Variants in DHODH observed in about 807,000 individuals in gnomAD.
The protein encoded by DHODH is dihydroorotate dehydrogenase (quinone), mitochondrial.
In DHODH, 30 loss-of-function variants were observed where a neutral mutation model predicts 39.7. That is an observed-to-expected ratio of 0.76 (90% CI 0.57 to 1.02). The LOEUF is 1.02. DHODH is among the 50% of genes least tolerant of loss of function. The pLI is 0.00. For missense variants in DHODH, 531 were observed against 520.8 expected (o/e 1.02, Z -0.19); for synonymous variants, 222 against 213.8 (o/e 1.04, Z -0.34).
intron 4 of DHODH, 125 bp from the exon 5 acceptor site, chr16:72,020,999 C>A: frequency 2.1e-6 from 2 of 973,536 alleles, no homozygotes; most frequent in Non-Finnish European, 3.1e-6. Flanking sequence ...CAGCCGGTGT[C>A]GGGCAGGTCA....
chr16:72,015,089 C>T (rs1273401745), intron 3 of DHODH, among the ~76,000 whole-genome samples: 1 of 152,138 alleles, frequency 6.6e-6, no homozygotes, highest in African/African-American at 2.4e-5. Context: ...CACATTAACA[C>T]AGTAAACAGA....
At chr16:72,018,603 C>T (rs899337387) in intron 4 of DHODH, among the ~76,000 whole-genome samples, 8 of 152,230 alleles carry the variant, frequency 5.3e-5, no homozygotes, top group Non-Finnish European at 7.3e-5. Context: ...CCCTCCCTCC[C>T]TGTGGCCCTC....
chr16:72,012,644 C>T (rs542166182), intron 2 of DHODH, among the ~76,000 whole-genome samples: 2 of 152,334 alleles, frequency 1.3e-5, no homozygotes, highest in Non-Finnish European at 2.9e-5. Context: ...CGCCCCTTGG[C>T]CACTGTCCTG....
chr16:72,017,160 GA>G (rs1474956021), intron 4 of DHODH, 54 bp downstream of exon 4: 2 of 1,555,356 alleles, frequency 1.3e-6, no homozygotes, highest in African/African-American at 2.7e-5. Flanking sequence ...GGAAACGTGG[GA>G]GAAATGCTGG....
rs146321585 is a variant in DHODH, at chr16:72,022,581, G to A, written c.819+106G>A. 5.3e-4 allele frequency: 474 copies of A among 900,944 alleles called. 4 individuals carry two copies. Among genetic ancestry groups the A allele is most frequent in the South Asian group, 3.9e-3 (274 of 70,768 alleles). The allele number at this position is 900,944 out of a possible 1,614,324, so 55.8% of individuals were successfully genotyped here. A position where few individuals can be genotyped will look rare whatever the true frequency, so the allele number is the denominator to read the frequency against. ...GCGTTCTTTGTGATTTCCTCTCCTTGGTATTCAAGGCTGGTTTGGTGTGTG... is the reference window on the plus strand; with the variant it reads ...GCGTTCTTTGTGATTTCCTCTCCTTAGTATTCAAGGCTGGTTTGGTGTGTG... On this transcript the variant is annotated intron_variant, in intron 6 of 8. Transcript: ENST00000219240.
At chr16:72,010,003 C>T (rs2041066072) in intron 1 of DHODH, among the ~76,000 whole-genome samples, 1 of 152,256 alleles carries the variant, frequency 6.6e-6, no homozygotes, top group Admixed American at 6.5e-5. Context: ...CCGCCTCAGC[C>T]TCCCAAAGTG....
intron 6 of DHODH, among the ~76,000 whole-genome samples, chr16:72,022,849 G>A (rs1012129433): frequency 1.3e-5 from 2 of 152,148 alleles, no homozygotes; most frequent in South Asian, 2.1e-4. Flanking sequence ...CCCGGCCATC[G>A]TGGGTTCAAA....
rs879581979 is a variant in DHODH at position 72,024,666 on chromosome 16, A to T, written c.*467A>T. On this transcript the variant is annotated 3_prime_UTR_variant, in exon 9 of 9. Transcript: ENST00000219240. ...TATTTAATATTTTAAACTTTATTTT[A>T]AAAATATTTCAAACATAAGGGCGGG... The T allele has an allele frequency of 6.0e-6, 1 of 167,728 alleles. No homozygotes were observed. The highest frequency in any genetic ancestry group is 2.4e-5 in the African/African-American group (1 of 41,568). The allele number at this position is 167,728 out of a possible 1,614,324, so 10.4% of individuals were successfully genotyped here. A position where few individuals can be genotyped will look rare whatever the true frequency, so the allele number is the denominator to read the frequency against.
At chr16:72,020,372 T>TATATATGTATATATATATATATA (rs746414347) in intron 4 of DHODH, 21 of 70,864 alleles carry the variant, frequency 3.0e-4, no homozygotes, top group African/African-American at 1.3e-3. Flanking sequence ...TATATATATA[T>TATATATGTATATATATATATATA]TTTTTTTTTT....
At chr16:72,017,241 C>A in intron 4 of DHODH, 135 bp downstream of exon 4, 1 of 894,724 alleles carries the variant, frequency 1.1e-6, no homozygotes, top group Non-Finnish European at 1.8e-6. Context: ...GACACCTCTC[C>A]TAGAGCGATT....
chr16:72,022,340 C>T, intron 5 of DHODH, 22 bp from the exon 6 acceptor site: 1 of 1,543,768 alleles, frequency 6.5e-7, no homozygotes, highest in Non-Finnish European at 8.8e-7. Context: ...GGGTCCCCAG[C>T]TCTGGCCGTG....
Position 72,012,263 on chromosome 16 carries a change from G to T in DHODH, c.234+1G>T. ...CAGATTTCAAGACTCTGACATGCTG[G>T]TAGTGCTCCCAGACACCCTATACAT... is the stretch of plus-strand genomic sequence containing the variant. On this transcript the variant is annotated splice_donor_variant, in intron 2 of 8. Transcript: ENST00000219240. LOFTEE classifies it high-confidence loss of function. 2 of 1,613,956 alleles carry T rather than the reference G, an allele frequency of 1.2e-6. No individual in the cohort carries two copies. The highest frequency in any genetic ancestry group is 1.1e-5 in the South Asian group (1 of 91,078).
intron 4 of DHODH, chr16:72,020,331 A>ATATATATATATATATGTATATGTG (rs2041191793): frequency 3.8e-5 from 1 of 26,098 alleles, no homozygotes; most frequent in Non-Finnish European, 1.1e-4. Context: ...GTATATGTGT[A>ATATATATATATATATGTATATGTG]TATATATATA....
chr16:72,015,809 G>C, intron 3 of DHODH: 2 of 985,466 alleles, frequency 2.0e-6, no homozygotes, highest in Non-Finnish European at 2.4e-6. Context: ...AGGGGTGTGA[G>C]ATCCTGCTCT....
At position 72,027,006 on chromosome 16, in the gene DHODH, TGTG is replaced by T. The variant is rs200538610; in HGVS notation, c.*2808_*2810del. ...GTGTGTGTGTGTGTGTGTGTGTGTG[TGTG>T]TTTTTGAGATGGAGTCCTGCTCTGT... On this transcript the variant is annotated 3_prime_UTR_variant, in exon 9 of 9. Transcript: ENST00000219240. 0.066 allele frequency: 4,188 copies of T among 63,772 alleles called. 228 individuals are homozygous for T. Among genetic ancestry groups the T allele is most frequent in the Admixed American group, 0.13 (1,029 of 8,190 alleles). The allele number at this position is 63,772 out of a possible 1,614,324, so 4.0% of individuals were successfully genotyped here.
chr16:72,017,770 CTT>C (rs71153696), intron 4 of DHODH, among the ~76,000 whole-genome samples: 37 of 103,774 alleles, frequency 3.6e-4, no homozygotes, highest in Middle Eastern at 7.2e-3. Flanking sequence ...AAACAACATG[CTT>C]TTTTTTTTTT....
intron 5 of DHODH, among the ~76,000 whole-genome samples, chr16:72,022,019 G>A (rs577016504): frequency 6.6e-6 from 1 of 151,568 alleles, no homozygotes; most frequent in African/African-American, 2.4e-5. Flanking sequence ...CCTGAGCCCA[G>A]GGAGGTGCAG....
rs370049658 is a variant in DHODH at position 72,024,213 on chromosome 16, C to T, written c.*14C>T. The T allele has an allele frequency of 9.8e-5, 158 of 1,613,840 alleles. No individual in the cohort carries two copies. In the Admixed American group the frequency reaches 1.5e-3, roughly 16 times the overall value. On this transcript the variant is annotated 3_prime_UTR_variant, in exon 9 of 9. Transcript: ENST00000219240. Reference sequence around the variant, plus strand: ...CATCGGAGGTGAGGACAGCGTCTGACGGGAAGCCTGATCTGGAACCTTCCC... The same window carrying T: ...CATCGGAGGTGAGGACAGCGTCTGATGGGAAGCCTGATCTGGAACCTTCCC...
In DHODH at chr16:72,014,628, A is replaced by T; in HGVS notation, c.390A>T (p.Arg130Ser). 1 of 1,614,138 alleles carries T rather than the reference A, an allele frequency of 6.2e-7. No individual in the cohort carries two copies. Among genetic ancestry groups the T allele is most frequent in the East Asian group, 2.2e-5 (1 of 44,888 alleles). Residue 130 changes from arginine to serine, a missense_variant, in exon 3 of 9, where the codon AGA becomes AGT. Arg to Ser is a moderately radical substitution (Grantham distance 110). Transcript: ENST00000219240. ...CAAAACCTCAGGAAGGAAACCCTAG[A>T]CCCAGAGTCTTCCGCCTCCCTGAGG... Reference protein sequence around the residue: ...VTPKPQEGNPRPRVFRLPEDQ... With the variant: ...VTPKPQEGNPSPRVFRLPEDQ...
Sources: gnomAD v4.1 joint callset for allele counts (sites outside exome capture counted in the v4.1 genomes callset) on GRCh38, gnomAD v4.1.1 for gene constraint, MANE v1.5 for transcripts, NCBI Gene and HGNC (gene_info 2026-07-23, HGNC 2026-07-21) for gene names.